The following MEI1 variants were observed in gnomAD, a reference collection of about 807,000 sequenced individuals.
MEI1 encodes meiotic double-stranded break formation protein 1.
Under a neutral mutation model 146.2 loss-of-function variants are expected in MEI1, and 103 were observed. The observed-to-expected ratio is 0.70, with a 90% confidence interval of 0.60 to 0.83. The LOEUF (loss-of-function observed/expected upper bound fraction) is 0.83, where lower values mean the gene tolerates loss of function less well. MEI1 is among the 40% of genes least tolerant of loss of function. MEI1 has a pLI of 0.00. For synonymous variants in MEI1, 652 were observed against 628.2 expected, an observed-to-expected ratio of 1.04 and a Z score of -0.57; for missense variants, 1,529 against 1,533.0, an observed-to-expected ratio of 1.00 and a Z score of 0.04.
chr22:41,770,653 T>G, intron 19 of MEI1, 33 bp from the exon 20 acceptor site: 1 of 1,597,844 alleles, frequency 6.3e-7, no homozygotes, highest in Non-Finnish European at 8.5e-7. Flanking sequence ...CTCTGCAAGG[T>G]GTATTTACCT....
intron 26 of MEI1, among the ~76,000 whole-genome samples, chr22:41,788,465 T>C (rs1320286237): frequency 2.8e-5 from 4 of 144,456 alleles, no homozygotes; most frequent in African/African-American, 7.7e-5. Flanking sequence ...TTTTGAGACA[T>C]AGTCTTGCTC....
chr22:41,784,705 C>A lies in MEI1; in HGVS notation c.3267C>A (p.Thr1089=), dbSNP rs754422461. ...CAGGGGCCCAGCCACTGCCAGCCAC[C>A]AAGGACACTGTCCTAGCTCCACTGC... ...VPSGAQPLPA[T]KDTVLAPLRM... The change falls in exon 26 of 31, where the codon ACC becomes ACA. Residue 1089 remains threonine, a synonymous_variant. Coordinates refer to ENST00000401548, the MANE Select transcript of MEI1 (RefSeq NM_152513.4). 6 of 1,613,564 alleles carry A rather than the reference C, an allele frequency of 3.7e-6. No individual in the cohort carries two copies. In the African/African-American group the frequency reaches 8.0e-5, roughly 22 times the overall value.
At chr22:41,707,759 T>G (rs2069204228) in intron 3 of MEI1, among the ~76,000 whole-genome samples, 1 of 152,120 alleles carries the variant, frequency 6.6e-6, no homozygotes, top group South Asian at 2.1e-4. Flanking sequence ...AAGGAGCAAA[T>G]CCCTTCTTCC....
intron 7 of MEI1, among the ~76,000 whole-genome samples, chr22:41,725,004 A>C (rs2071195923): frequency 1.3e-5 from 2 of 151,318 alleles, no homozygotes; most frequent in Admixed American, 1.3e-4. Context: ...GGATCTTTCT[A>C]TGTTGCTTGG....
intron 30 of MEI1, among the ~76,000 whole-genome samples, chr22:41,798,520 G>C (rs2076455459): frequency 6.6e-6 from 1 of 151,838 alleles, no homozygotes; most frequent in Admixed American, 6.6e-5. Flanking sequence ...AGAGGCTGCA[G>C]TGAGCCAAGA....
At chr22:41,733,202 C>G (rs778360789) in intron 11 of MEI1, among the ~76,000 whole-genome samples, 1 of 152,032 alleles carries the variant, frequency 6.6e-6, no homozygotes, top group Non-Finnish European at 1.5e-5. Context: ...GTAATCCCAG[C>G]ACTTTGGGAG....
Position 41,763,245 on chromosome 22 carries a change from G to GT in MEI1, c.2192_2193insT (p.Leu734ThrfsTer23). The GT allele has an allele frequency of 6.2e-7, 1 of 1,613,776 alleles. No individual in the cohort carries two copies. On this transcript the variant is annotated frameshift_variant, in exon 19 of 31. Transcript: ENST00000401548. LOFTEE classifies it high-confidence loss of function. ...CTGTCGCTGCAGGACCAGGGCGAGC[G>GT]CCCCCCACTGGTGGTCTTCAAAGCC...
chr22:41,776,087 T>C lies in MEI1; in HGVS notation c.2545-15T>C. On this transcript the variant is annotated splice_polypyrimidine_tract_variant and intron_variant, in intron 20 of 30. Coordinates refer to ENST00000401548, the MANE Select transcript of MEI1 (RefSeq NM_152513.4). ...CAGTACCCTCTGATCTCTGGCTTTC[T>C]TCTCTCCTGCTCAGGACCTCATCTA... is the stretch of plus-strand genomic sequence containing the variant. 6.2e-7 allele frequency: 1 copy of C among 1,612,642 alleles called. No homozygotes were observed. The highest frequency in any genetic ancestry group is 8.5e-7 in the Non-Finnish European group (1 of 1,178,740).
At position 41,795,642 on chromosome 22, in the gene MEI1, G is replaced by T; in HGVS notation, c.3667-93G>T. 1 of 1,591,462 alleles carries T rather than the reference G, an allele frequency of 6.3e-7. No individual in the cohort carries two copies. The highest frequency in any genetic ancestry group is 8.6e-7 in the Non-Finnish European group (1 of 1,165,924). The stretch of plus-strand genomic sequence containing the variant: ...GCTCTGGCCACAGCAACCAAGGAAT[G>T]GGAGGAGGGAAGTACAGAGGATGGA... On this transcript the variant is annotated intron_variant, in intron 29 of 30. Coordinates refer to ENST00000401548, the MANE Select transcript of MEI1 (RefSeq NM_152513.4). The surrounding 1 kb of genome is among the most constrained non-coding windows in gnomAD (Gnocchi z 4.2).
At chr22:41,763,696 G>C (rs768590456) in intron 19 of MEI1, among the ~76,000 whole-genome samples, 1 of 151,628 alleles carries the variant, frequency 6.6e-6, no homozygotes, top group Non-Finnish European at 1.5e-5. Flanking sequence ...GGGTTCAAGC[G>C]ATTCTCCTGC....
intron 11 of MEI1, among the ~76,000 whole-genome samples, chr22:41,734,971 C>CT (rs956545079): frequency 2.7e-5 from 4 of 148,598 alleles, no homozygotes; most frequent in Admixed American, 1.3e-4. Context: ...GTATTTTTTT[C>CT]TTTTTTTTGA....
intron 21 of MEI1, among the ~76,000 whole-genome samples, chr22:41,777,230 A>G (rs1020617875): frequency 6.7e-5 from 10 of 149,728 alleles, no homozygotes; most frequent in Non-Finnish European, 1.5e-5. Flanking sequence ...ATCTCGGCTC[A>G]CTGCAACCTT....
chr22:41,700,438 C>T (rs1342810793), intron 1 of MEI1, among the ~76,000 whole-genome samples: 1 of 152,238 alleles, frequency 6.6e-6, no homozygotes, highest in Non-Finnish European at 1.5e-5. Context: ...TCAAGCGATT[C>T]TCCTGCCTCA....
At position 41,754,009 on chromosome 22, in the gene MEI1, C is replaced by T; in HGVS notation, c.1914C>T (p.Leu638=). The change falls in exon 17 of 31, where the codon CTC becomes CTT. Residue 638 remains leucine, a synonymous_variant. Coordinates refer to ENST00000401548, the MANE Select transcript of MEI1 (RefSeq NM_152513.4). ...NFLYYMCLNL[L]SAPEKTGPPS... ...TCTACTATATGTGCCTCAACCTTCT[C>T]TCAGCTCCAGAGAAGACAGGACCAC... 1 of 1,613,806 alleles carries T rather than the reference C, an allele frequency of 6.2e-7. No individual in the cohort carries two copies. Among genetic ancestry groups the T allele is most frequent in the Non-Finnish European group, 8.5e-7 (1 of 1,179,730 alleles).
chr22:41,708,221 C>T (rs2147256307), intron 3 of MEI1, among the ~76,000 whole-genome samples: 1 of 152,214 alleles, frequency 6.6e-6, no homozygotes, highest in Non-Finnish European at 1.5e-5. Flanking sequence ...GAGAAGAAAA[C>T]AGTTACAGAA....
chr22:41,743,008 C>A, intron 11 of MEI1, 72 bp from the exon 12 acceptor site: 2 of 1,036,972 alleles, frequency 1.9e-6, no homozygotes, highest in Non-Finnish European at 3.0e-6. Flanking sequence ...CCTCTCATTG[C>A]CTGAGAACCT....
intron 3 of MEI1, among the ~76,000 whole-genome samples, chr22:41,706,728 A>AT (rs1238939713): frequency 6.6e-6 from 1 of 151,796 alleles, no homozygotes; most frequent in Admixed American, 6.6e-5. Flanking sequence ...AAAAAAAAAA[A>AT]CAAAAATTGT....
intron 26 of MEI1, among the ~76,000 whole-genome samples, chr22:41,791,126 C>T (rs752451548): frequency 6.6e-6 from 1 of 152,130 alleles, no homozygotes; most frequent in Non-Finnish European, 1.5e-5. Context: ...TGAGCCATGC[C>T]TCATACATTA....
chr22:41,699,871 C>T (rs1047032756), intron 1 of MEI1, among the ~76,000 whole-genome samples, 159 bp downstream of exon 1: 1 of 152,216 alleles, frequency 6.6e-6, no homozygotes, highest in Admixed American at 6.5e-5. Context: ...CGGACCCGGC[C>T]GCAGCGGCCT....
Sources: allele counts gnomAD v4.1 joint callset (sites outside exome capture counted in the v4.1 genomes callset), GRCh38; gene constraint gnomAD v4.1.1; non-coding constraint Gnocchi (gnomAD v3.1); transcripts MANE v1.5; gene names NCBI Gene and HGNC (gene_info 2026-07-23, HGNC 2026-07-21).